Variants in KCNIP4 observed in about 807,000 individuals in gnomAD.
KCNIP4 encodes the protein Kv channel-interacting protein 4.
A neutral mutation model predicts 34.0 loss-of-function variants in KCNIP4; 12 were observed. The ratio of observed to expected loss-of-function variants is 0.35; its 90% confidence interval spans 0.23 to 0.57. The LOEUF (loss-of-function observed/expected upper bound fraction) is 0.57, where lower values mean the gene tolerates loss of function less well. KCNIP4 is among the 20% of genes least tolerant of loss of function. The pLI is 0.83. For missense variants in KCNIP4, 238 were observed against 311.7 expected (o/e 0.76, Z 1.78); for synonymous variants, 124 against 102.2 (o/e 1.21, Z -1.29).
chr4:21,921,134 T>G (rs1449845863), intron 1 of KCNIP4, among the ~76,000 whole-genome samples: 1 of 152,214 alleles, frequency 6.6e-6, no homozygotes, highest in Non-Finnish European at 1.5e-5. Context: ...TCATTTTTAT[T>G]TAATGGTTTG....
At chr4:21,410,807 G>T (rs1577320043) in intron 1 of KCNIP4, among the ~76,000 whole-genome samples, 1 of 152,264 alleles carries the variant, frequency 6.6e-6, no homozygotes, top group East Asian at 1.9e-4. Flanking sequence ...TATTTAAGGA[G>T]AAATTTATCC....
chr4:21,191,923 A>G (rs1048283940), intron 1 of KCNIP4, among the ~76,000 whole-genome samples: 1 of 152,212 alleles, frequency 6.6e-6, no homozygotes, highest in African/African-American at 2.4e-5. Flanking sequence ...CCACAATAAC[A>G]TGACCTGAAC....
chr4:21,087,704 G>A (rs578208318), intron 1 of KCNIP4, among the ~76,000 whole-genome samples: 73 of 152,100 alleles, frequency 4.8e-4, no homozygotes, highest in African/African-American at 1.2e-3. Flanking sequence ...GGTTTATATC[G>A]CTCTTGCCAA....
intron 1 of KCNIP4, among the ~76,000 whole-genome samples, chr4:21,247,757 TATAC>T (rs1560212619): frequency 1.6e-5 from 2 of 124,266 alleles, no homozygotes; most frequent in African/African-American, 6.7e-5. Context: ...TATATATATA[TATAC>T]ACCCCACAGG....
chr4:21,096,794 C>T (rs11735508), intron 1 of KCNIP4, among the ~76,000 whole-genome samples: 4 of 151,846 alleles, frequency 2.6e-5, no homozygotes, highest in Admixed American at 2.0e-4. Flanking sequence ...TTTAATAAAG[C>T]CTCTTAGAAT....
At chr4:21,566,320 C>T (rs947365836) in intron 1 of KCNIP4, among the ~76,000 whole-genome samples, 5 of 152,090 alleles carry the variant, frequency 3.3e-5, no homozygotes, top group African/African-American at 1.2e-4. Context: ...TATCCCTACC[C>T]AAATCTCATG....
chr4:21,519,609 T>TGTATGTGTATATACACAC (rs1735246668), intron 1 of KCNIP4, among the ~76,000 whole-genome samples: 1 of 113,334 alleles, frequency 8.8e-6, no homozygotes, highest in African/African-American at 3.6e-5. Flanking sequence ...TATACACATA[T>TGTATGTGTATATACACAC]GTGTGTGTAT....
intron 1 of KCNIP4, among the ~76,000 whole-genome samples, chr4:21,859,911 G>A (rs1724974840): frequency 1.3e-5 from 2 of 151,992 alleles, no homozygotes; most frequent in South Asian, 4.1e-4. Context: ...GTGCATGCCT[G>A]TAGTCCCAGC....
intron 1 of KCNIP4, among the ~76,000 whole-genome samples, chr4:21,474,230 A>G (rs1280135983): frequency 6.6e-6 from 1 of 152,172 alleles, no homozygotes; most frequent in Non-Finnish European, 1.5e-5. Flanking sequence ...AGAGCAGGCA[A>G]GACGAAAAAA....
chr4:20,949,526 A>G (rs1437278937), intron 1 of KCNIP4, among the ~76,000 whole-genome samples: 3 of 152,222 alleles, frequency 2.0e-5, no homozygotes, highest in Non-Finnish European at 2.9e-5. Flanking sequence ...CCAAAGGACT[A>G]TAAATCATGC....
At chr4:21,767,068 C>G (rs902579279) in intron 1 of KCNIP4, among the ~76,000 whole-genome samples, 7 of 152,138 alleles carry the variant, frequency 4.6e-5, no homozygotes, top group African/African-American at 1.7e-4. Flanking sequence ...CAGGGAATCT[C>G]TCTTTGCAGA....
chr4:21,641,546 T>C (rs1403981782), intron 1 of KCNIP4, among the ~76,000 whole-genome samples: 2 of 152,124 alleles, frequency 1.3e-5, no homozygotes, highest in Admixed American at 6.5e-5. Flanking sequence ...AGAAATCTGA[T>C]TGGAAAATTG....
intron 1 of KCNIP4, among the ~76,000 whole-genome samples, chr4:21,686,627 A>C (rs1476643437): frequency 6.6e-6 from 1 of 152,200 alleles, no homozygotes; most frequent in Non-Finnish European, 1.5e-5. Context: ...GACCTACCCC[A>C]TTTAAAAATG....
chr4:21,570,586 C>A (rs1438522900), intron 1 of KCNIP4, among the ~76,000 whole-genome samples: 1 of 151,980 alleles, frequency 6.6e-6, no homozygotes, highest in Non-Finnish European at 1.5e-5. Context: ...CTTGTGGCAT[C>A]CATATGGGAG....
At chr4:21,703,936 G>T (rs1713065726) in intron 1 of KCNIP4, among the ~76,000 whole-genome samples, 1 of 152,166 alleles carries the variant, frequency 6.6e-6, no homozygotes, top group African/African-American at 2.4e-5. Flanking sequence ...TTATATGGCT[G>T]CAGTTCTCAA....
chr4:21,069,081 TTAAA>T (rs1471280838), intron 1 of KCNIP4, among the ~76,000 whole-genome samples: 1 of 152,194 alleles, frequency 6.6e-6, no homozygotes, highest in Non-Finnish European at 1.5e-5. Context: ...ATTGTAAGGA[TTAAA>T]TAAATAAATT....
At position 21,023,881 on chromosome 4, in the gene KCNIP4, G is replaced by A. The variant is rs1260167650; in HGVS notation, c.62-141172C>T. 2.8e-4 allele frequency among the ~76,000 whole-genome samples: 42 copies of A among 151,138 alleles called. 1 individual carries two copies. The highest frequency in any genetic ancestry group is 2.7e-3 in the Admixed American group (41 of 15,132). Reference sequence around the variant, plus strand: ...TGGGCAACCGAGTGAGACTCTGTCTGAAAAAAAACGAAAAAAGAAAAATCA... The same window carrying A: ...TGGGCAACCGAGTGAGACTCTGTCTAAAAAAAAACGAAAAAAGAAAAATCA... On this transcript the variant is annotated intron_variant, in intron 1 of 8. Transcript: ENST00000382152.
chr4:21,688,392 T>A (rs2109037741), intron 1 of KCNIP4, among the ~76,000 whole-genome samples: 2 of 152,238 alleles, frequency 1.3e-5, no homozygotes, highest in Middle Eastern at 6.8e-3. Flanking sequence ...ACACTGCTGA[T>A]CCAAGCATTT....
intron 3 of KCNIP4, among the ~76,000 whole-genome samples, chr4:20,841,881 G>C (rs941247423): frequency 6.6e-6 from 1 of 152,022 alleles, no homozygotes; most frequent in Non-Finnish European, 1.5e-5. Flanking sequence ...CATGATTTTG[G>C]GTTGTTCTTT....
Sources: allele counts gnomAD v4.1 joint callset (sites outside exome capture counted in the v4.1 genomes callset), GRCh38; gene constraint gnomAD v4.1.1; transcripts MANE v1.5; gene names NCBI Gene and HGNC (gene_info 2026-07-23, HGNC 2026-07-21).